MCOLN2: variants seen among roughly 807,000 people sequenced by gnomAD.
The protein encoded by MCOLN2 is mucolipin-2.
A neutral mutation model predicts 67.5 loss-of-function variants in MCOLN2; 57 were observed. The ratio of observed to expected loss-of-function variants is 0.84; its 90% CI spans 0.68 to 1.05. MCOLN2 has a LOEUF of 1.05. Among genes scored for constraint, MCOLN2 ranks in the 50% least tolerant of loss-of-function variants. The pLI is 0.00. For missense variants in MCOLN2, 620 were observed against 678.8 expected, an observed-to-expected ratio of 0.91 and a Z score of 0.96; for synonymous variants, 246 against 233.3, an observed-to-expected ratio of 1.05 and a Z score of -0.50.
chr1:84,928,118 T>A (rs1297896756), intron 13 of MCOLN2, among the ~76,000 whole-genome samples: 1 of 152,184 alleles, frequency 6.6e-6, no homozygotes, highest in South Asian at 2.1e-4. Flanking sequence ...ATAGCTGACT[T>A]CACTCAGGAC....
At chr1:84,992,891 T>C (rs1019469655) in intron 1 of MCOLN2, among the ~76,000 whole-genome samples, 3 of 152,188 alleles carry the variant, frequency 2.0e-5, no homozygotes, top group African/African-American at 7.2e-5. Context: ...AGGGTGGTGG[T>C]TGCTGAAGGC....
chr1:84,990,446 TA>T lies in MCOLN2; in HGVS notation c.77+6349del, dbSNP rs11395176. On this transcript the variant is annotated intron_variant, in intron 1 of 13. Coordinates refer to ENST00000370608, the MANE Select transcript of MCOLN2 (RefSeq NM_153259.4). ...CTAAAACTTAAAGTATAATAATAAT[TA>T]AAAAAAAGAATCAAACTTCTATGGA... Among the ~76,000 whole-genome samples, 8 of 151,302 alleles carry T rather than the reference TA, an allele frequency of 5.3e-5. No homozygotes were observed. The East Asian group carries it at 5.8e-4, about 11-fold the overall frequency.
chr1:84,932,956 C>T (rs1194357591), intron 11 of MCOLN2, among the ~76,000 whole-genome samples: 2 of 152,176 alleles, frequency 1.3e-5, no homozygotes, highest in East Asian at 3.8e-4. Context: ...AAAATCTAAA[C>T]CAAGAAGGTT....
intron 2 of MCOLN2, among the ~76,000 whole-genome samples, chr1:84,964,526 T>TC (rs1553156622): frequency 1.4e-5 from 1 of 71,208 alleles, no homozygotes; most frequent in Non-Finnish European, 2.8e-5. Flanking sequence ...GGGGCAGGAG[T>TC]GGGGGGGGGT....
chr1:84,934,932 T>A (rs893503745), intron 11 of MCOLN2, among the ~76,000 whole-genome samples: 2 of 152,236 alleles, frequency 1.3e-5, no homozygotes, highest in African/African-American at 4.8e-5. Flanking sequence ...TGAAGTGTTA[T>A]GGGACCCCAG....
intron 1 of MCOLN2, among the ~76,000 whole-genome samples, chr1:84,993,975 T>A (rs542242498): frequency 1.3e-5 from 2 of 152,342 alleles, no homozygotes; most frequent in African/African-American, 4.8e-5. Context: ...ATCCATGGGC[T>A]GCAGAATGGA....
intron 1 of MCOLN2, among the ~76,000 whole-genome samples, chr1:84,969,329 G>A (rs1443727216): frequency 6.6e-6 from 1 of 152,198 alleles, no homozygotes; most frequent in Non-Finnish European, 1.5e-5. Flanking sequence ...CCAGCACTTT[G>A]GGAGGCAGAG....
chr1:84,939,622 A>G lies in MCOLN2; in HGVS notation c.1041T>C (p.Tyr347=). ...TTAGGTCGCTGATAATCACCAGGAC[A>G]TACCAGCCGTTGATGAACTCCCACT... The part of the protein sequence containing the change: ...TDQWEFINGW[Y]VLVIISDLMT... Residue 347 remains tyrosine (Y), a synonymous_variant, in exon 9 of 14, where the codon TAT becomes TAC. Coordinates refer to ENST00000370608, the MANE Select transcript of MCOLN2 (RefSeq NM_153259.4). 4 of 1,614,016 alleles carry G rather than the reference A, an allele frequency of 2.5e-6. No homozygotes were observed. The highest frequency in any genetic ancestry group is 3.4e-6 in the Non-Finnish European group (4 of 1,179,872).
At chr1:84,974,068 T>A (rs1412933846) in intron 1 of MCOLN2, among the ~76,000 whole-genome samples, 1 of 152,198 alleles carries the variant, frequency 6.6e-6, no homozygotes, top group Non-Finnish European at 1.5e-5. Flanking sequence ...CAAATTCAGC[T>A]GATGCCCACC....
At chr1:84,945,578 C>T (rs1648049581) in intron 7 of MCOLN2, among the ~76,000 whole-genome samples, 1 of 152,148 alleles carries the variant, frequency 6.6e-6, no homozygotes, top group African/African-American at 2.4e-5. Context: ...AGGTATTTTA[C>T]ATTTTATTTC....
intron 11 of MCOLN2, among the ~76,000 whole-genome samples, chr1:84,937,022 G>T (rs773453142): frequency 1.3e-5 from 2 of 152,140 alleles, no homozygotes; most frequent in Non-Finnish European, 2.9e-5. Context: ...TGTTGTTTCT[G>T]TTGTTCCAAC....
rs563942039 is a variant in MCOLN2 at position 84,987,533 on chromosome 1, T to G, written c.77+9263A>C. 1.9e-4 allele frequency among the ~76,000 whole-genome samples: 18 copies of G among 95,210 alleles called. 1 individual carries two copies. The highest frequency in any genetic ancestry group is 7.6e-4 in the African/African-American group (16 of 21,148). 62.5% of individuals were successfully genotyped at this position (95,210 alleles called of 152,430 possible). A position where few individuals can be genotyped will look rare whatever the true frequency, so the allele number is the denominator to read the frequency against. The stretch of plus-strand genomic sequence containing the variant: ...ATACATATGTATATATGTATACATC[T>G]ATGTATACATAGATGTATACATCTA... On this transcript the variant is annotated intron_variant, in intron 1 of 13. Coordinates refer to ENST00000370608, the MANE Select transcript of MCOLN2 (RefSeq NM_153259.4).
intron 1 of MCOLN2, among the ~76,000 whole-genome samples, chr1:84,980,149 C>T (rs912640828): frequency 2.0e-5 from 3 of 152,000 alleles, no homozygotes; most frequent in African/African-American, 7.2e-5. Flanking sequence ...AACTGTAAAA[C>T]ACTGATGAAA....
chr1:84,955,305 C>T lies in MCOLN2; in HGVS notation c.565+1126G>A, dbSNP rs145220142. Among the ~76,000 whole-genome samples the T allele has an allele frequency of 1.2e-4, 18 of 152,174 alleles. No homozygotes were observed. The East Asian group carries it at 3.5e-3, about 29-fold the overall frequency. ...TCTTTATTAGCAGCATGAGAACAGA[C>T]TAATACAGAGGGGGAGTCCACCTTA... On this transcript the variant is annotated intron_variant, in intron 4 of 13. Coordinates refer to ENST00000370608, the MANE Select transcript of MCOLN2 (RefSeq NM_153259.4).
chr1:84,939,533 T>G lies in MCOLN2; in HGVS notation c.1110+20A>C. 1.2e-6 allele frequency: 2 copies of G among 1,613,010 alleles called. No individual in the cohort carries two copies. The highest frequency in any genetic ancestry group is 1.7e-6 in the Non-Finnish European group (2 of 1,179,548). ...CCAGGAGAAGATGAAGAACAGAGAC[T>G]TTAAATGGGCTTCCCTCACCTTTGC... On this transcript the variant is annotated intron_variant, in intron 9 of 13. Transcript: ENST00000370608.
chr1:84,946,222 C>T (rs1470314146), intron 7 of MCOLN2, among the ~76,000 whole-genome samples: 1 of 152,130 alleles, frequency 6.6e-6, no homozygotes, highest in Admixed American at 6.5e-5. Context: ...TCCTACTCTG[C>T]CCCACTCAAA....
At chr1:84,990,282 A>T (rs1207694648) in intron 1 of MCOLN2, among the ~76,000 whole-genome samples, 4 of 142,704 alleles carry the variant, frequency 2.8e-5, no homozygotes, top group African/African-American at 1.0e-4. Flanking sequence ...TGGGCAACAG[A>T]ATGAGACTCC....
At chr1:84,952,938 C>A (rs1011163353) in intron 4 of MCOLN2, among the ~76,000 whole-genome samples, 3 of 152,130 alleles carry the variant, frequency 2.0e-5, no homozygotes, top group Admixed American at 2.0e-4. Context: ...AAACAAAAAC[C>A]AAGAAACTTT....
At chr1:84,948,030 G>C (rs1397017963) in intron 6 of MCOLN2, among the ~76,000 whole-genome samples, 1 of 152,220 alleles carries the variant, frequency 6.6e-6, no homozygotes, top group African/African-American at 2.4e-5. Context: ...GGGCCACACA[G>C]TTGGCTGTCT....
Sources: allele counts gnomAD v4.1 joint callset (sites outside exome capture counted in the v4.1 genomes callset), GRCh38; gene constraint gnomAD v4.1.1; transcripts MANE v1.5; gene names NCBI Gene and HGNC (gene_info 2026-07-23, HGNC 2026-07-21).